The following LRRK1 variants were observed in gnomAD, a reference collection of about 807,000 sequenced individuals.
LRRK1 encodes leucine rich repeat kinase 1, also known as leucine-rich repeat serine/threonine-protein kinase 1.
In LRRK1, 113 loss-of-function variants were observed where a neutral mutation model predicts 209.1. The observed-to-expected ratio is 0.54, with a 90% CI of 0.46 to 0.63. LRRK1 has a LOEUF of 0.63. LRRK1 is among the 30% of genes least tolerant of loss of function. LRRK1 has a pLI of 0.00. For missense variants in LRRK1, 2,284 were observed against 2,632.2 expected (o/e 0.87, Z 2.89); for synonymous variants, 1,144 against 1,099.7 (o/e 1.04, Z -0.80).
chr15:101,020,354 A>G (rs2033719719), intron 12 of LRRK1, among the ~76,000 whole-genome samples: 1 of 147,304 alleles, frequency 6.8e-6, no homozygotes, highest in South Asian at 2.1e-4. Flanking sequence ...AGCCTTCTAG[A>G]TATCCGGTTC....
chr15:100,958,656 A>G (rs1336425742), intron 2 of LRRK1, among the ~76,000 whole-genome samples: 1 of 152,190 alleles, frequency 6.6e-6, no homozygotes, highest in Non-Finnish European at 1.5e-5. Context: ...AATAACAATA[A>G]TAGTAGCTAG....
At chr15:101,040,878 T>C (rs1012485658) in intron 20 of LRRK1, among the ~76,000 whole-genome samples, 1 of 152,240 alleles carries the variant, frequency 6.6e-6, no homozygotes, top group African/African-American at 2.4e-5. Context: ...ACGAGTTTTC[T>C]GTGTTGTGGC....
At chr15:101,018,649 G>T (rs974387859) in intron 12 of LRRK1, among the ~76,000 whole-genome samples, 4 of 152,216 alleles carry the variant, frequency 2.6e-5, no homozygotes, top group Admixed American at 2.0e-4. Context: ...GACTACGCGC[G>T]GTACCAATGC....
At chr15:101,064,249 G>C (rs145304484) in intron 31 of LRRK1, among the ~76,000 whole-genome samples, 17 of 152,370 alleles carry the variant, frequency 1.1e-4, no homozygotes, top group Non-Finnish European at 1.5e-5. Context: ...GTCCTGGACA[G>C]TGAGCTACGG....
intron 13 of LRRK1, chr15:101,021,631 G>A: frequency 1.8e-6 from 1 of 555,834 alleles, no homozygotes; most frequent in Non-Finnish European, 3.2e-6. Flanking sequence ...TCAATTCTAA[G>A]CCGTGGGGAT....
intron 10 of LRRK1, 53 bp from the exon 11 acceptor site, chr15:101,014,263 C>T: frequency 7.7e-7 from 1 of 1,304,084 alleles, no homozygotes; most frequent in Non-Finnish European, 1.1e-6. Flanking sequence ...TCTCCCCTCC[C>T]TTCTTGTATC....
intron 5 of LRRK1, 119 bp from the exon 6 acceptor site, chr15:100,989,130 GA>G: frequency 1.1e-6 from 1 of 894,992 alleles, no homozygotes; most frequent in Non-Finnish European, 1.8e-6. Context: ...GAAGTAAATA[GA>G]GAAGTCCAAC....
Position 101,010,591 on chromosome 15 carries a change from T to A in LRRK1, c.1117+14T>A. 1 of 1,608,840 alleles carries A rather than the reference T, an allele frequency of 6.2e-7. No homozygotes were observed. The highest frequency in any genetic ancestry group is 2.2e-5 in the East Asian group (1 of 44,846). On this transcript the variant is annotated intron_variant, in intron 8 of 33. Coordinates refer to ENST00000388948, the MANE Select transcript of LRRK1 (RefSeq NM_024652.6). ...AAGAAGAAAATGGTATGTTTTCTCA[T>A]CAACTTGAGTGAATTAGTCATTTTC...
chr15:100,977,921 A>G (rs1185357194), intron 3 of LRRK1, among the ~76,000 whole-genome samples: 1 of 152,238 alleles, frequency 6.6e-6, no homozygotes, highest in Non-Finnish European at 1.5e-5. Context: ...TGTTAGAATC[A>G]TCTAACAAGG....
In LRRK1 at chr15:101,061,081, G is replaced by A. The variant is rs1021829099; in HGVS notation, c.4680-90G>A. The A allele has an allele frequency of 1.2e-5, 11 of 945,980 alleles. No homozygotes were observed. In the African/African-American group the frequency reaches 1.6e-4, roughly 14 times the overall value. The allele number at this position is 945,980 out of a possible 1,614,324, so 58.6% of individuals were successfully genotyped here. On this transcript the variant is annotated intron_variant, in intron 29 of 33. Coordinates refer to ENST00000388948, the MANE Select transcript of LRRK1 (RefSeq NM_024652.6). ...ACCCTGGGTGGGAGCAGGGGAGGTA[G>A]ACGAGGCTCGCAGCTGGCAGGCCAG...
chr15:101,030,144 G>T (rs2034217919), intron 20 of LRRK1, among the ~76,000 whole-genome samples: 1 of 151,846 alleles, frequency 6.6e-6, no homozygotes, highest in African/African-American at 2.4e-5. Context: ...TCCTTTTCTT[G>T]CTCCCCAGCA....
intron 20 of LRRK1, among the ~76,000 whole-genome samples, chr15:101,030,638 C>T (rs1596298715): frequency 6.6e-6 from 1 of 152,298 alleles, no homozygotes; most frequent in East Asian, 1.9e-4. Context: ...CCCTGTACCC[C>T]TGACACCCAC....
At chr15:100,972,149 G>A (rs2030925112) in intron 2 of LRRK1, among the ~76,000 whole-genome samples, 1 of 151,860 alleles carries the variant, frequency 6.6e-6, no homozygotes, top group Non-Finnish European at 1.5e-5. Context: ...CTTCAGTAGA[G>A]ACGGGGTTTC....
intron 2 of LRRK1, among the ~76,000 whole-genome samples, chr15:100,941,268 C>T (rs58953369): frequency 1.4e-5 from 1 of 70,706 alleles, no homozygotes; most frequent in African/African-American, 7.4e-5. Flanking sequence ...GTCTGTGTCT[C>T]TGTGTGTGTC....
chr15:100,948,743 T>C (rs1021514781), intron 2 of LRRK1, among the ~76,000 whole-genome samples: 1 of 152,176 alleles, frequency 6.6e-6, no homozygotes, highest in African/African-American at 2.4e-5. Context: ...TTCACAAATA[T>C]GTAGAAATTA....
chr15:101,052,273 T>C (rs2035502508), intron 24 of LRRK1, among the ~76,000 whole-genome samples: 1 of 152,146 alleles, frequency 6.6e-6, no homozygotes, highest in African/African-American at 2.4e-5. Flanking sequence ...GAGCTGCCTC[T>C]CCTTTCCACT....
intron 10 of LRRK1, among the ~76,000 whole-genome samples, chr15:101,012,616 C>T (rs1462089985): frequency 6.6e-6 from 1 of 152,186 alleles, no homozygotes; most frequent in Non-Finnish European, 1.5e-5. Context: ...TCACCAGGGG[C>T]CCTGTAGTGG....
Position 100,973,935 on chromosome 15 carries a change from G to A in LRRK1, c.229G>A (p.Ala77Thr), listed in dbSNP as rs768515004. The change falls in exon 3 of 34, where the codon GCC (alanine) becomes ACC (threonine). Residue 77 changes from alanine to threonine, a missense_variant. Transcript: ENST00000388948. Reference protein sequence around the residue: ...RGGARDLLEEACDQCASQLEK... With the variant: ...RGGARDLLEETCDQCASQLEK... ...CGGCGCCCGGGACCTGCTGGAGGAG[G>A]CCTGCGACCAGTGCGCGTCCCAGCT... The A allele has an allele frequency of 4.8e-6, 6 of 1,259,728 alleles. No homozygotes were observed. The highest frequency in any genetic ancestry group is 1.5e-5 in the African/African-American group (1 of 64,526). 78.0% of individuals were successfully genotyped at this position (1,259,728 alleles called of 1,614,324 possible).
chr15:101,047,582 G>A (rs1385651464), intron 21 of LRRK1, among the ~76,000 whole-genome samples: 8 of 152,294 alleles, frequency 5.3e-5, no homozygotes, highest in Middle Eastern at 3.4e-3. Context: ...GACAGGAGGG[G>A]GAAAAGAGTG....
Sources: gnomAD v4.1 joint callset for allele counts (sites outside exome capture counted in the v4.1 genomes callset) on GRCh38, gnomAD v4.1.1 for gene constraint, MANE v1.5 for transcripts, NCBI Gene and HGNC (gene_info 2026-07-23, HGNC 2026-07-21) for gene names.